Variants in KIF5C observed in about 807,000 individuals in gnomAD.
KIF5C encodes kinesin family member 5C, also known as kinesin heavy chain isoform 5C.
In KIF5C, 18 loss-of-function variants were observed where a neutral mutation model predicts 125.2. The ratio of observed to expected loss-of-function variants is 0.14; its 90% CI spans 0.10 to 0.21. The LOEUF (loss-of-function observed/expected upper bound fraction) is 0.21. Ranked by LOEUF, KIF5C falls within the 10% of genes least tolerant of loss-of-function variation. The pLI, the probability that KIF5C is intolerant of heterozygous loss-of-function variation, is 1.00. For synonymous variants in KIF5C, 405 were observed against 434.0 expected (o/e 0.93, Z 0.83); for missense variants, 780 against 1,183.8 (o/e 0.66, Z 5.01).
intron 1 of KIF5C, among the ~76,000 whole-genome samples, chr2:148,898,109 G>T (rs1329907517): frequency 1.3e-5 from 2 of 151,892 alleles, no homozygotes; most frequent in Non-Finnish European, 2.9e-5. Context: ...AGATCACTGT[G>T]GGAAGTCCTG....
At position 148,997,477 on chromosome 2, in the gene KIF5C, CAG is replaced by C. The variant is rs1421243981; in HGVS notation, c.2100+140_2100+141del. On this transcript the variant is annotated intron_variant, in intron 18 of 25. Transcript: ENST00000435030. The stretch of plus-strand genomic sequence containing the variant: ...AGGGGAGGGGCTGTTGTTGGGCATT[CAG>C]AGTCGATCTCAGAGTATAGCCTGGC... 21 of 1,468,218 alleles carry C rather than the reference CAG, an allele frequency of 1.4e-5. No homozygotes were observed. The African/African-American group carries it at 1.7e-4, about 12-fold the overall frequency. 90.9% of individuals were successfully genotyped at this position (1,468,218 alleles called of 1,614,324 possible). A position where few individuals can be genotyped will look rare whatever the true frequency, so the allele number is the denominator to read the frequency against.
At chr2:148,909,094 GGC>G (rs1681230906) in intron 1 of KIF5C, among the ~76,000 whole-genome samples, 1 of 152,232 alleles carries the variant, frequency 6.6e-6, no homozygotes. Flanking sequence ...AACCAGATCA[GGC>G]CATTCATTTG....
Position 148,876,279 on chromosome 2 carries a change from C to T in KIF5C, c.126+536C>T, listed in dbSNP as rs529862910. Among the ~76,000 whole-genome samples the T allele has an allele frequency of 2.0e-4, 31 of 152,350 alleles. No individual in the cohort carries two copies. The highest frequency in any genetic ancestry group is 4.4e-4 in the Non-Finnish European group (30 of 68,030). ...CCGCGGCAGTGTAGACGCGGCTCCC[C>T]GCGGTGTTACACCTGGCTCCGCGCG... On this transcript the variant is annotated intron_variant, in intron 1 of 25. Transcript: ENST00000435030. The surrounding 1 kb of genome is among the most constrained non-coding windows in gnomAD (Gnocchi z 4.7).
chr2:149,003,139 G>A (rs1232342359), intron 21 of KIF5C, among the ~76,000 whole-genome samples: 1 of 152,224 alleles, frequency 6.6e-6, no homozygotes, highest in Non-Finnish European at 1.5e-5. Flanking sequence ...GAGCCCTGCA[G>A]TGTATGCCGT....
rs1224685333 is a variant in KIF5C, at chr2:148,979,009, T to A, written c.1362+19T>A. Reference sequence around the variant, plus strand: ...GGATGAGGTAAAGAATGCAATATATTTTTTTTTCCACAAAGTTCTTCTATT... The same window carrying A: ...GGATGAGGTAAAGAATGCAATATATATTTTTTTCCACAAAGTTCTTCTATT... On this transcript the variant is annotated intron_variant, in intron 13 of 25. Transcript: ENST00000435030. 2 of 1,539,492 alleles carry A rather than the reference T, an allele frequency of 1.3e-6. No homozygotes were observed. Among genetic ancestry groups the A allele is most frequent in the Admixed American group, 2.0e-5 (1 of 49,264 alleles).
intron 24 of KIF5C, among the ~76,000 whole-genome samples, chr2:149,010,972 T>C (rs1344043943): frequency 6.6e-6 from 1 of 152,130 alleles, no homozygotes; most frequent in Non-Finnish European, 1.5e-5. Flanking sequence ...ACAAAAACAA[T>C]TTAGGAATAT....
At chr2:148,894,639 T>C (rs1213962388) in intron 1 of KIF5C, among the ~76,000 whole-genome samples, 1 of 152,014 alleles carries the variant, frequency 6.6e-6, no homozygotes, top group East Asian at 1.9e-4. Flanking sequence ...GTAGCAATTA[T>C]TTTCATTTCA....
At chr2:148,969,465 G>A (rs1228730008) in intron 11 of KIF5C, among the ~76,000 whole-genome samples, 2 of 149,100 alleles carry the variant, frequency 1.3e-5, no homozygotes, top group Non-Finnish European at 3.0e-5. Context: ...GTGTGTGTAT[G>A]TGTGTGGGGA....
intron 1 of KIF5C, among the ~76,000 whole-genome samples, chr2:148,914,757 G>C (rs1681478071): frequency 6.6e-6 from 1 of 152,252 alleles, no homozygotes; most frequent in Non-Finnish European, 1.5e-5. Context: ...CCAGTGTGGG[G>C]AGGGGGAGGG....
chr2:149,000,849 T>C, intron 21 of KIF5C, 67 bp downstream of exon 21: 1 of 1,598,370 alleles, frequency 6.3e-7, no homozygotes, highest in Non-Finnish European at 8.5e-7. Flanking sequence ...TTTGTCGGAT[T>C]ATTTCAAAAT....
intron 10 of KIF5C, among the ~76,000 whole-genome samples, chr2:148,953,689 C>T (rs746721080): frequency 2.6e-5 from 4 of 152,194 alleles, no homozygotes; most frequent in Admixed American, 6.5e-5. Context: ...CTTTCAAGGA[C>T]GTGAAGAGAG....
intron 22 of KIF5C, among the ~76,000 whole-genome samples, chr2:149,007,410 AT>A (rs1682041166): frequency 6.6e-6 from 1 of 152,154 alleles, no homozygotes; most frequent in Admixed American, 6.5e-5. Flanking sequence ...AATTTCAAGA[AT>A]TTACCCAGCA....
chr2:149,010,029 C>T (rs1425774089), intron 23 of KIF5C, 106 bp from the exon 24 acceptor site: 15 of 1,450,372 alleles, frequency 1.0e-5, no homozygotes, highest in Non-Finnish European at 1.4e-5. Flanking sequence ...CAAGGACAAC[C>T]TAGCAGGGGC....
At chr2:149,006,960 T>C (rs1325044437) in intron 22 of KIF5C, among the ~76,000 whole-genome samples, 1 of 152,152 alleles carries the variant, frequency 6.6e-6, no homozygotes, top group East Asian at 1.9e-4. Flanking sequence ...GACTTCCAGA[T>C]TTCATGATAG....
chr2:148,966,843 A>G (rs541319657), intron 11 of KIF5C, among the ~76,000 whole-genome samples: 2 of 152,264 alleles, frequency 1.3e-5, no homozygotes, highest in East Asian at 3.9e-4. Flanking sequence ...ACTATGTAAG[A>G]CTATAATGAG....
At chr2:148,943,224 A>G (rs981873513) in intron 7 of KIF5C, among the ~76,000 whole-genome samples, 1 of 152,218 alleles carries the variant, frequency 6.6e-6, no homozygotes, top group Non-Finnish European at 1.5e-5. Context: ...AAGAAAGGGA[A>G]GAAGGAAGTC....
chr2:148,930,683 CG>C (rs1558902340), intron 3 of KIF5C, among the ~76,000 whole-genome samples: 1 of 152,106 alleles, frequency 6.6e-6, no homozygotes, highest in East Asian at 1.9e-4. Flanking sequence ...GGTACAGTGC[CG>C]GGGATCTCAT....
At chr2:148,978,790 T>G (rs112550539) in intron 12 of KIF5C, 132 bp from the exon 13 acceptor site, 13 of 1,248,186 alleles carry the variant, frequency 1.0e-5, no homozygotes, top group Non-Finnish European at 1.4e-5. Context: ...ATCTGTCTGT[T>G]TTCTGTGCAG....
chr2:148,912,762 T>C (rs1443244306), intron 1 of KIF5C, among the ~76,000 whole-genome samples: 2 of 152,208 alleles, frequency 1.3e-5, no homozygotes, highest in Non-Finnish European at 2.9e-5. Context: ...ATATATATTT[T>C]AGTGCTTCAA....
Sources: gnomAD v4.1 joint callset for allele counts (sites outside exome capture counted in the v4.1 genomes callset) on GRCh38, gnomAD v4.1.1 for gene constraint, Gnocchi (gnomAD v3.1) non-coding constraint, MANE v1.5 for transcripts, NCBI Gene and HGNC (gene_info 2026-07-23, HGNC 2026-07-21) for gene names.